Variants in ASIC2 observed in about 807,000 individuals in gnomAD.
ASIC2 encodes acid sensing ion channel subunit 2.
In ASIC2, 25 loss-of-function variants were observed where a neutral mutation model predicts 57.3. The observed-to-expected ratio is 0.44, with a 90% CI of 0.32 to 0.61. The LOEUF is 0.61. Ranked by LOEUF, ASIC2 falls within the 20% of genes least tolerant of loss-of-function variation. The pLI is 0.06. For missense variants in ASIC2, 641 were observed against 738.1 expected, an observed-to-expected ratio of 0.87 and a Z score of 1.52; for synonymous variants, 319 against 307.5, an observed-to-expected ratio of 1.04 and a Z score of -0.39.
At chr17:33,565,593 C>G (rs1160885235) in intron 1 of ASIC2, among the ~76,000 whole-genome samples, 2 of 152,224 alleles carry the variant, frequency 1.3e-5, no homozygotes, top group Non-Finnish European at 1.5e-5. Context: ...AGAACTGGTT[C>G]AGAGATCCAG....
chr17:34,099,685 G>C (rs1362989313), intron 1 of ASIC2, among the ~76,000 whole-genome samples: 1 of 136,458 alleles, frequency 7.3e-6, no homozygotes, highest in Non-Finnish European at 1.6e-5. Flanking sequence ...AGAAAGAAAA[G>C]AAAGAGAAGA....
At chr17:33,409,615 T>C (rs967430871) in intron 1 of ASIC2, among the ~76,000 whole-genome samples, 2 of 152,130 alleles carry the variant, frequency 1.3e-5, no homozygotes, top group Admixed American at 6.5e-5. Flanking sequence ...CCAGATCAAA[T>C]AGAATCGTGG....
chr17:33,392,140 C>G (rs773923960), intron 1 of ASIC2, among the ~76,000 whole-genome samples: 1 of 152,132 alleles, frequency 6.6e-6, no homozygotes, highest in African/African-American at 2.4e-5. Flanking sequence ...TTCTTTCTGC[C>G]TGAAAGTCCC....
chr17:34,119,248 C>A (rs1911520597), intron 1 of ASIC2, among the ~76,000 whole-genome samples: 1 of 152,110 alleles, frequency 6.6e-6, no homozygotes, highest in Non-Finnish European at 1.5e-5. Flanking sequence ...CCCAGCTCTG[C>A]CATTTGCCGT....
At chr17:33,191,352 G>C (rs577890897) in intron 1 of ASIC2, among the ~76,000 whole-genome samples, 1 of 152,214 alleles carries the variant, frequency 6.6e-6, no homozygotes, top group East Asian at 1.9e-4. Context: ...ATTACAAAGG[G>C]ACATGGGGAA....
At position 33,327,806 on chromosome 17, in the gene ASIC2, C is replaced by T. The variant is rs556488045; in HGVS notation, c.556-215739G>A. Reference sequence around the variant, plus strand: ...AATGTGACCTGATTTGGAAATAGGGCCGTTGCAGACGTTATCAAGTTAAGA... The same window carrying T: ...AATGTGACCTGATTTGGAAATAGGGTCGTTGCAGACGTTATCAAGTTAAGA... On this transcript the variant is annotated intron_variant, in intron 1 of 9. Coordinates refer to the ASIC2 transcript ENST00000359872. 2.6e-5 allele frequency among the ~76,000 whole-genome samples: 4 copies of T among 152,224 alleles called. No individual in the cohort carries two copies. In the South Asian group the frequency reaches 8.3e-4, roughly 32 times the overall value.
chr17:33,176,663 A>G (rs1905771172), intron 1 of ASIC2, among the ~76,000 whole-genome samples: 1 of 152,216 alleles, frequency 6.6e-6, no homozygotes, highest in African/African-American at 2.4e-5. Context: ...GTTGAATATG[A>G]GGGACTAAAA....
At chr17:33,069,159 G>C (rs1275069522) in intron 3 of ASIC2, among the ~76,000 whole-genome samples, 1 of 152,080 alleles carries the variant, frequency 6.6e-6, no homozygotes, top group Non-Finnish European at 1.5e-5. Context: ...CTATCTTTCT[G>C]TTATTGTTTT....
At chr17:33,730,560 A>T (rs2142090434) in intron 1 of ASIC2, among the ~76,000 whole-genome samples, 1 of 152,352 alleles carries the variant, frequency 6.6e-6, no homozygotes, top group South Asian at 2.1e-4. Flanking sequence ...GACTACTTGA[A>T]TATAAATGAA....
chr17:34,152,650 A>G (rs2142145335), intron 1 of ASIC2, among the ~76,000 whole-genome samples: 1 of 152,302 alleles, frequency 6.6e-6, no homozygotes, highest in Non-Finnish European at 1.5e-5. Context: ...ATTGCCTCCC[A>G]ACATCCCTGT....
intron 1 of ASIC2, among the ~76,000 whole-genome samples, chr17:33,131,904 T>C (rs1579185): frequency 0.82 from 124,715 of 152,154 alleles, 51,631 homozygotes; most frequent in African/African-American, 0.87. Context: ...AGACACACAG[T>C]GGGGAGGGGA....
intron 2 of ASIC2, among the ~76,000 whole-genome samples, chr17:33,107,307 T>G (rs2092238940): frequency 6.6e-6 from 1 of 152,242 alleles, no homozygotes; most frequent in Non-Finnish European, 1.5e-5. Flanking sequence ...TCAAAGGCAT[T>G]TGGGAAATAA....
chr17:33,373,337 C>T (rs1297771395), intron 1 of ASIC2, among the ~76,000 whole-genome samples: 1 of 152,260 alleles, frequency 6.6e-6, no homozygotes, highest in Admixed American at 6.5e-5. Flanking sequence ...GACCTCTAAG[C>T]TGTCCTTGGT....
chr17:33,807,801 G>A (rs185176744), intron 1 of ASIC2, among the ~76,000 whole-genome samples: 1 of 152,144 alleles, frequency 6.6e-6, no homozygotes, highest in Admixed American at 6.5e-5. Flanking sequence ...ATATGATGTG[G>A]AGCATATTTT....
At chr17:33,610,493 G>C (rs16968652) in intron 1 of ASIC2, among the ~76,000 whole-genome samples, 10,679 of 152,060 alleles carry the variant, frequency 0.07, 1,131 homozygotes, top group African/African-American at 0.23. Context: ...CTTAACCTGG[G>C]CTCCTTTCCC....
At chr17:33,574,851 A>ATTTT (rs10699380) in intron 1 of ASIC2, among the ~76,000 whole-genome samples, 3 of 143,100 alleles carry the variant, frequency 2.1e-5, no homozygotes, top group Non-Finnish European at 3.1e-5. Flanking sequence ...CTCTGTTTCT[A>ATTTT]TTTTTTTTTT....
intron 2 of ASIC2, among the ~76,000 whole-genome samples, chr17:33,089,974 C>G (rs1567740682): frequency 6.6e-6 from 1 of 152,176 alleles, no homozygotes; most frequent in Non-Finnish European, 1.5e-5. Flanking sequence ...CTTGTCTTCT[C>G]CAAACAGTCT....
intron 1 of ASIC2, among the ~76,000 whole-genome samples, chr17:33,906,680 C>A (rs1245079551): frequency 6.6e-6 from 1 of 152,222 alleles, no homozygotes; most frequent in Non-Finnish European, 1.5e-5. Context: ...TTCACCCTCT[C>A]CTATAAGGCT....
At chr17:33,209,872 C>T (rs1907206995) in intron 1 of ASIC2, among the ~76,000 whole-genome samples, 1 of 152,200 alleles carries the variant, frequency 6.6e-6, no homozygotes, top group Non-Finnish European at 1.5e-5. Context: ...ATCTGCTGAC[C>T]TAACTGACCA....
Sources: allele counts gnomAD v4.1 joint callset (sites outside exome capture counted in the v4.1 genomes callset), GRCh38; gene constraint gnomAD v4.1.1; transcripts MANE v1.5; gene names NCBI Gene and HGNC (gene_info 2026-07-23, HGNC 2026-07-21).